The following SLC15A4 variants were observed in gnomAD, a reference collection of about 807,000 sequenced individuals.
SLC15A4 encodes solute carrier family 15 member 4, also known as hPHT1.
SLC15A4 carries 26 observed loss-of-function variants against 46.1 expected under a neutral mutation model. The ratio of observed to expected loss-of-function variants is 0.56; its 90% CI spans 0.41 to 0.78. The LOEUF is 0.78. Ranked by LOEUF, SLC15A4 falls within the 30% of genes least tolerant of loss-of-function variation. The probability of loss-of-function intolerance (pLI) is 0.00; values close to 1 mark genes in which losing one functional copy is unlikely to be tolerated. For missense variants in SLC15A4, 751 were observed against 755.7 expected, an observed-to-expected ratio of 0.99 and a Z score of 0.07; for synonymous variants, 370 against 333.4, an observed-to-expected ratio of 1.11 and a Z score of -1.20.
chr12:128,808,962 G>C lies in SLC15A4; in HGVS notation c.1090-6C>G, dbSNP rs1436256810. The C allele has an allele frequency of 6.2e-7, 1 of 1,611,416 alleles. No homozygotes were observed. The highest frequency in any genetic ancestry group is 1.7e-5 in the Admixed American group (1 of 59,884). ...GTCAGCCAGGCTGCAGGGAGCTGGGGTGAAACACAGGAGGAGGCGTTTACT... is the reference window on the plus strand; with the variant it reads ...GTCAGCCAGGCTGCAGGGAGCTGGGCTGAAACACAGGAGGAGGCGTTTACT... On this transcript the variant is annotated splice_region_variant and splice_polypyrimidine_tract_variant and intron_variant, in intron 4 of 7. Transcript: ENST00000266771.
intron 1 of SLC15A4, among the ~76,000 whole-genome samples, chr12:128,822,168 T>A (rs547764001): frequency 6.6e-6 from 1 of 152,346 alleles, no homozygotes; most frequent in African/African-American, 2.4e-5. Context: ...CTATTCTGCA[T>A]ATAATACTTG....
At chr12:128,809,079 C>A in intron 4 of SLC15A4, 123 bp from the exon 5 acceptor site, 1 of 883,804 alleles carries the variant, frequency 1.1e-6, no homozygotes, top group African/African-American at 1.7e-5. Flanking sequence ...AAGGTACAAC[C>A]TCTTCAGTTT....
chr12:128,821,899 A>AAG (rs1955846392), intron 1 of SLC15A4, among the ~76,000 whole-genome samples: 1 of 110,222 alleles, frequency 9.1e-6, no homozygotes, highest in Admixed American at 9.4e-5. Context: ...AAAAAAAAAA[A>AAG]AAAGAAAGAA....
rs1241607549 is a variant in SLC15A4, at chr12:128,809,807, A to G, written c.1011+136T>C. The stretch of plus-strand genomic sequence containing the variant: ...CCAAAATGACTCCATAACTAAAACC[A>G]AAAATTCCAAGATTCTGTAGACTCA... On this transcript the variant is annotated intron_variant, in intron 3 of 7. Transcript: ENST00000266771. 1.2e-5 allele frequency: 11 copies of G among 888,240 alleles called. No homozygotes were observed. The East Asian group carries it at 3.0e-4, about 24-fold the overall frequency. 55.0% of individuals were successfully genotyped at this position (888,240 alleles called of 1,614,324 possible). A position where few individuals can be genotyped will look rare whatever the true frequency, so the allele number is the denominator to read the frequency against.
At chr12:128,798,144 A>G (rs1955468723) in intron 7 of SLC15A4, among the ~76,000 whole-genome samples, 1 of 152,242 alleles carries the variant, frequency 6.6e-6, no homozygotes, top group African/African-American at 2.4e-5. Context: ...TTTATGACAC[A>G]TTTAAAGATA....
chr12:128,822,990 C>A (rs1331975348), intron 1 of SLC15A4, among the ~76,000 whole-genome samples: 1 of 152,076 alleles, frequency 6.6e-6, no homozygotes, highest in Admixed American at 6.5e-5. Flanking sequence ...AGGTGTGCGC[C>A]TCCACGGAGG....
intron 5 of SLC15A4, 68 bp from the exon 6 acceptor site, chr12:128,801,077 T>A: frequency 6.9e-7 from 1 of 1,443,634 alleles, no homozygotes; most frequent in Non-Finnish European, 9.4e-7. Context: ...AAAAATCTGA[T>A]GTTGGCTACG....
chr12:128,821,548 T>A (rs749311113), intron 1 of SLC15A4, among the ~76,000 whole-genome samples: 29 of 152,208 alleles, frequency 1.9e-4, no homozygotes, highest in Non-Finnish European at 3.1e-4. Flanking sequence ...TTGATTTTCA[T>A]AAAATTTTCA....
At chr12:128,819,609 AAGC>A (rs1324423881) in intron 1 of SLC15A4, 1 of 152,196 alleles carries the variant, frequency 6.6e-6, no homozygotes, top group Non-Finnish European at 1.5e-5. Context: ...ACGGCCATGA[AAGC>A]AGCTGGGATC....
Position 128,814,625 on chromosome 12 carries a change from G to A in SLC15A4, c.842+150C>T, listed in dbSNP as rs1350405646. The A allele has an allele frequency of 5.1e-6, 4 of 780,304 alleles. No homozygotes were observed. The Admixed American group carries it at 1.1e-4, about 21-fold the overall frequency. 48.3% of individuals were successfully genotyped at this position (780,304 alleles called of 1,614,324 possible). ...TAATAAGACCGCACCCGCCTCCTTG[G>A]GGAAATGCAGTGTTAAAGGAGAGAA... is the stretch of plus-strand genomic sequence containing the variant. On this transcript the variant is annotated intron_variant, in intron 2 of 7. Coordinates refer to ENST00000266771, the MANE Select transcript of SLC15A4 (RefSeq NM_145648.4).
intron 5 of SLC15A4, among the ~76,000 whole-genome samples, chr12:128,802,106 C>T (rs1318010926): frequency 6.6e-6 from 1 of 152,148 alleles, no homozygotes; most frequent in African/African-American, 2.4e-5. Context: ...GGAAGAGTGT[C>T]AAGGGAAACC....
At chr12:128,818,570 C>G (rs1955790636) in intron 1 of SLC15A4, among the ~76,000 whole-genome samples, 1 of 152,248 alleles carries the variant, frequency 6.6e-6, no homozygotes, top group African/African-American at 2.4e-5. Flanking sequence ...GCCACCTGGT[C>G]ACGGGCAAGC....
chr12:128,795,103 A>G (rs1311430373), intron 7 of SLC15A4, among the ~76,000 whole-genome samples: 3 of 152,062 alleles, frequency 2.0e-5, no homozygotes, highest in Non-Finnish European at 1.5e-5. Context: ...TGGCTATGGA[A>G]CCTGTGCACT....
In SLC15A4 at chr12:128,795,363, G is replaced by A. The variant is rs533275955; in HGVS notation, c.1574-1007C>T. ...TACACTGAATACCCAACCGAGTCCCGGGCACTATGGAGGCACTTTACACGC... is the reference window on the plus strand; with the variant it reads ...TACACTGAATACCCAACCGAGTCCCAGGCACTATGGAGGCACTTTACACGC... On this transcript the variant is annotated intron_variant, in intron 7 of 7. Coordinates refer to ENST00000266771, the MANE Select transcript of SLC15A4 (RefSeq NM_145648.4). 7.0e-4 allele frequency among the ~76,000 whole-genome samples: 106 copies of A among 152,186 alleles called. 1 individual carries two copies. Among genetic ancestry groups the A allele is most frequent in the Admixed American group, 9.2e-4 (14 of 15,276 alleles).
At chr12:128,803,954 A>G (rs1310852457) in intron 5 of SLC15A4, among the ~76,000 whole-genome samples, 2 of 152,208 alleles carry the variant, frequency 1.3e-5, no homozygotes, top group Non-Finnish European at 2.9e-5. Flanking sequence ...GTGCCTTCCC[A>G]TTCACCACAG....
chr12:128,802,114 A>G (rs1232118233), intron 5 of SLC15A4, among the ~76,000 whole-genome samples: 1 of 152,090 alleles, frequency 6.6e-6, no homozygotes, highest in African/African-American at 2.4e-5. Context: ...GTCAAGGGAA[A>G]CCCAATCCTT....
intron 5 of SLC15A4, among the ~76,000 whole-genome samples, chr12:128,802,446 C>T (rs145314922): frequency 1.3e-5 from 2 of 152,260 alleles, no homozygotes; most frequent in East Asian, 3.9e-4. Context: ...CACTGGTCCC[C>T]ACTCCTTGAA....
At chr12:128,802,951 A>G (rs1242416174) in intron 5 of SLC15A4, among the ~76,000 whole-genome samples, 17 of 152,178 alleles carry the variant, frequency 1.1e-4, no homozygotes, top group Non-Finnish European at 2.1e-4. Flanking sequence ...CGAGGCGGAG[A>G]GGCAAAGCCA....
chr12:128,819,290 G>C (rs781602121), intron 1 of SLC15A4, among the ~76,000 whole-genome samples: 2 of 152,120 alleles, frequency 1.3e-5, no homozygotes, highest in African/African-American at 2.4e-5. Flanking sequence ...TGTAGTCCCA[G>C]CTACTCAGGA....
Sources: gnomAD v4.1 joint callset for allele counts (sites outside exome capture counted in the v4.1 genomes callset) on GRCh38, gnomAD v4.1.1 for gene constraint, MANE v1.5 for transcripts, NCBI Gene and HGNC (gene_info 2026-07-23, HGNC 2026-07-21) for gene names.